Variants in STXBP5L observed in about 807,000 individuals in gnomAD.
STXBP5L encodes syntaxin binding protein 5L, also known as syntaxin-binding protein 5-like.
A neutral mutation model predicts 144.5 loss-of-function variants in STXBP5L; 65 were observed. The observed-to-expected ratio is 0.45, with a 90% CI of 0.37 to 0.55. The LOEUF (loss-of-function observed/expected upper bound fraction) is 0.55. Ranked by LOEUF, STXBP5L falls within the 20% of genes least tolerant of loss-of-function variation. The pLI is 0.00. For synonymous variants in STXBP5L, 505 were observed against 469.6 expected, an observed-to-expected ratio of 1.08 and a Z score of -0.97; for missense variants, 1,298 against 1,405.5, an observed-to-expected ratio of 0.92 and a Z score of 1.22.
chr3:121,077,337 C>T (rs1035251220), intron 5 of STXBP5L, among the ~76,000 whole-genome samples: 5 of 152,080 alleles, frequency 3.3e-5, no homozygotes, highest in African/African-American at 1.2e-4. Context: ...AGCCGCGGAC[C>T]TTCATGGTGA....
At chr3:121,219,909 A>G (rs1371804814) in intron 10 of STXBP5L, among the ~76,000 whole-genome samples, 1 of 152,160 alleles carries the variant, frequency 6.6e-6, no homozygotes, top group East Asian at 1.9e-4. Context: ...ATGTTACACA[A>G]CTTGTTTAAT....
chr3:120,982,336 C>A (rs1434636958), intron 3 of STXBP5L, among the ~76,000 whole-genome samples: 1 of 152,188 alleles, frequency 6.6e-6, no homozygotes, highest in African/African-American at 2.4e-5. Context: ...CATCCAAGCT[C>A]ACCCATGAAT....
chr3:121,033,922 T>C (rs1001955174), intron 3 of STXBP5L, among the ~76,000 whole-genome samples: 2 of 152,102 alleles, frequency 1.3e-5, no homozygotes. Flanking sequence ...CTTGAAATAT[T>C]TTAACTCTTA....
At chr3:121,267,729 A>G (rs2050614607) in intron 18 of STXBP5L, among the ~76,000 whole-genome samples, 1 of 152,182 alleles carries the variant, frequency 6.6e-6, no homozygotes, top group Non-Finnish European at 1.5e-5. Flanking sequence ...AAACAACCCC[A>G]TCAAAAAGTT....
Position 121,413,310 on chromosome 3 carries a change from G to C in STXBP5L, c.3101G>C (p.Cys1034Ser). The C allele has an allele frequency of 6.4e-7, 1 of 1,572,624 alleles. No individual in the cohort carries two copies. Among genetic ancestry groups the C allele is most frequent in the Non-Finnish European group, 8.6e-7 (1 of 1,162,030 alleles). ...IQRLTYSQEM[C>S]DNLQDMLGDL... The stretch of plus-strand genomic sequence containing the variant: ...CGGTTAACATACAGCCAAGAAATGT[G>C]TGATAATCTACAGGTAGGTCAGGAG... The change falls in exon 24 of 27, where the codon TGT becomes TCT. Residue 1034 changes from cysteine (C) to serine (S), a missense_variant. Physicochemically the swap from Cys to Ser is moderately radical, Grantham distance 112 (BLOSUM62 -1). Transcript: ENST00000471454.
At chr3:121,343,574 A>G (rs1274428386) in intron 20 of STXBP5L, among the ~76,000 whole-genome samples, 3 of 152,154 alleles carry the variant, frequency 2.0e-5, no homozygotes, top group Non-Finnish European at 4.4e-5. Flanking sequence ...ATCAATGTAC[A>G]AAAATCACAA....
At chr3:120,971,799 CAT>C (rs199519593) in intron 3 of STXBP5L, among the ~76,000 whole-genome samples, 45 of 149,604 alleles carry the variant, frequency 3.0e-4, no homozygotes, top group East Asian at 5.9e-4. Context: ...TATATACACA[CAT>C]ATATATATAT....
intron 19 of STXBP5L, among the ~76,000 whole-genome samples, chr3:121,290,497 T>A (rs2108462837): frequency 6.6e-6 from 1 of 152,152 alleles, no homozygotes; most frequent in South Asian, 2.1e-4. Context: ...TTGGTACCAA[T>A]CCTATTGAAA....
chr3:120,933,730 C>T (rs981552219), intron 2 of STXBP5L, among the ~76,000 whole-genome samples: 9 of 152,018 alleles, frequency 5.9e-5, no homozygotes, highest in African/African-American at 2.2e-4. Context: ...ATGAAAATTC[C>T]AGATCCTAGA....
At position 121,188,246 on chromosome 3, in the gene STXBP5L, C is replaced by T. The variant is rs139297808; in HGVS notation, c.878-17677C>T. Reference sequence around the variant, plus strand: ...AATAGAATATACATTCTTCTCAGCACCGCATCACACTTACTCCCATATTGA... The same window carrying T: ...AATAGAATATACATTCTTCTCAGCATCGCATCACACTTACTCCCATATTGA... On this transcript the variant is annotated intron_variant, in intron 9 of 26. Coordinates refer to ENST00000471454, the MANE Select transcript of STXBP5L (RefSeq NM_001308330.2). Among the ~76,000 whole-genome samples, 18 of 152,286 alleles carry T rather than the reference C, an allele frequency of 1.2e-4. No individual in the cohort carries two copies. In the East Asian group the frequency reaches 3.3e-3, roughly 28 times the overall value.
At chr3:121,376,718 TC>T (rs2046194278) in intron 20 of STXBP5L, among the ~76,000 whole-genome samples, 1 of 152,250 alleles carries the variant, frequency 6.6e-6, no homozygotes, top group East Asian at 1.9e-4. Flanking sequence ...CTATATGGGC[TC>T]TTTTTTGGTT....
chr3:121,053,206 T>C (rs1948165011), intron 5 of STXBP5L, among the ~76,000 whole-genome samples: 1 of 152,164 alleles, frequency 6.6e-6, no homozygotes, highest in African/African-American at 2.4e-5. Flanking sequence ...CCCATCAAAC[T>C]ACCAATGGCT....
intron 11 of STXBP5L, among the ~76,000 whole-genome samples, chr3:121,230,484 T>C (rs954025166): frequency 7.1e-6 from 1 of 140,482 alleles, no homozygotes; most frequent in Non-Finnish European, 1.5e-5. Context: ...CGGGCAAATA[T>C]TATAAAAGTA....
intron 5 of STXBP5L, among the ~76,000 whole-genome samples, chr3:121,046,743 T>C (rs1399672351): frequency 6.6e-6 from 1 of 152,116 alleles, no homozygotes; most frequent in East Asian, 1.9e-4. Context: ...TTGGATCTTC[T>C]CTCTTTTTCT....
intron 20 of STXBP5L, among the ~76,000 whole-genome samples, chr3:121,328,546 C>T (rs565694017): frequency 7.2e-5 from 11 of 151,944 alleles, no homozygotes; most frequent in Non-Finnish European, 1.0e-4. Flanking sequence ...GTCAGGAGTT[C>T]GAGACCAGCC....
At chr3:121,017,769 A>G (rs1394761089) in intron 3 of STXBP5L, among the ~76,000 whole-genome samples, 3 of 150,544 alleles carry the variant, frequency 2.0e-5, no homozygotes, top group Non-Finnish European at 2.9e-5. Flanking sequence ...GAAAGAAATC[A>G]TAGAAGATCT....
At chr3:120,926,167 T>C (rs1709614469) in intron 2 of STXBP5L, among the ~76,000 whole-genome samples, 1 of 152,164 alleles carries the variant, frequency 6.6e-6, no homozygotes, top group Non-Finnish European at 1.5e-5. Flanking sequence ...TTTTATGCTT[T>C]CCCATGTTTT....
intron 5 of STXBP5L, among the ~76,000 whole-genome samples, chr3:121,073,854 G>A (rs1256040156): frequency 6.6e-6 from 1 of 152,196 alleles, no homozygotes; most frequent in Non-Finnish European, 1.5e-5. Flanking sequence ...TGCCACACAT[G>A]TTCTCTTTTC....
intron 5 of STXBP5L, among the ~76,000 whole-genome samples, chr3:121,051,296 C>A (rs978756559): frequency 2.6e-5 from 4 of 152,044 alleles, no homozygotes; most frequent in Non-Finnish European, 5.9e-5. Flanking sequence ...TTTTTCAGCA[C>A]CACACCACAC....
Sources: allele counts gnomAD v4.1 joint callset (sites outside exome capture counted in the v4.1 genomes callset), GRCh38; gene constraint gnomAD v4.1.1; transcripts MANE v1.5; gene names NCBI Gene and HGNC (gene_info 2026-07-23, HGNC 2026-07-21).